The following PPIP5K1 variants were observed in gnomAD, a reference collection of about 807,000 sequenced individuals.
PPIP5K1 encodes inositol hexakisphosphate and diphosphoinositol-pentakisphosphate kinase 1.
Under a neutral mutation model 27.7 loss-of-function variants are expected in PPIP5K1, and 6 were observed. The observed-to-expected ratio is 0.22, with a 90% CI of 0.12 to 0.43. The LOEUF (loss-of-function observed/expected upper bound fraction) is 0.43, where lower values mean the gene tolerates loss of function less well. PPIP5K1 is among the 20% of genes least tolerant of loss of function. PPIP5K1 has a pLI of 1.00. For missense variants in PPIP5K1, 394 were observed against 635.4 expected (o/e 0.62, Z 4.08); for synonymous variants, 145 against 242.6 (o/e 0.60, Z 3.74).
At chr15:43,540,861 CAAAAA>C (rs34085400) in intron 30 of PPIP5K1, among the ~76,000 whole-genome samples, 2 of 73,882 alleles carry the variant, frequency 2.7e-5, no homozygotes, top group East Asian at 3.3e-4. Context: ...GACTCTGTCT[CAAAAA>C]AAAAAAAAAA....
intron 30 of PPIP5K1, among the ~76,000 whole-genome samples, chr15:43,552,597 G>A (rs927426118): frequency 1.3e-5 from 2 of 150,640 alleles, no homozygotes; most frequent in Admixed American, 6.6e-5. Context: ...GTGTGTGCCT[G>A]TAGTCCAGCT....
intron 30 of PPIP5K1, among the ~76,000 whole-genome samples, chr15:43,551,658 A>T (rs1474153726): frequency 9.0e-6 from 1 of 111,466 alleles, no homozygotes; most frequent in Admixed American, 9.7e-5. Flanking sequence ...GCTGGAGTGC[A>T]GTGGCGGGAT....
intron 30 of PPIP5K1, among the ~76,000 whole-genome samples, chr15:43,546,454 G>C (rs2140630453): frequency 6.6e-6 from 1 of 152,170 alleles, no homozygotes; most frequent in Non-Finnish European, 1.5e-5. Context: ...ACACCACCAT[G>C]ACTGGCTAAT....
At chr15:43,567,118 GTTT>G (rs148202516) in intron 26 of PPIP5K1, among the ~76,000 whole-genome samples, 3 of 96,976 alleles carry the variant, frequency 3.1e-5, no homozygotes, top group Admixed American at 9.4e-5. Context: ...GTTGTTTCGG[GTTT>G]TTTTTTTTTT....
In PPIP5K1 at chr15:43,533,708, A is replaced by T. The variant is rs2079512419; in HGVS notation, c.*966T>A. Reference sequence around the variant, plus strand: ...CAACTACAGAAATAAATATATATATATATATTTATTAAACCTTTGCTTGTA... The same window carrying T: ...CAACTACAGAAATAAATATATATATTTATATTTATTAAACCTTTGCTTGTA... On this transcript the variant is annotated 3_prime_UTR_variant, in exon 32 of 32. Coordinates refer to ENST00000420765, the MANE Select transcript of PPIP5K1 (RefSeq NM_001394395.1). The T allele has an allele frequency of 6.6e-6, 1 of 151,850 alleles. No homozygotes were observed. The highest frequency in any genetic ancestry group is 2.4e-5 in the African/African-American group (1 of 41,298). The allele number at this position is 151,850 out of a possible 1,614,324, so 9.4% of individuals were successfully genotyped here.
At chr15:43,557,408 ACTG>A (rs2083121428) in intron 30 of PPIP5K1, among the ~76,000 whole-genome samples, 1 of 152,116 alleles carries the variant, frequency 6.6e-6, no homozygotes, top group African/African-American at 2.4e-5. Flanking sequence ...AGATCCTGCC[ACTG>A]CACTCCAGCC....
intron 29 of PPIP5K1, among the ~76,000 whole-genome samples, chr15:43,559,744 C>A (rs2083538866): frequency 1.3e-5 from 2 of 151,432 alleles, no homozygotes; most frequent in African/African-American, 4.9e-5. Flanking sequence ...AAATATGTAA[C>A]CCTAATACTA....
At chr15:43,550,866 T>G (rs904429774) in intron 30 of PPIP5K1, among the ~76,000 whole-genome samples, 3 of 152,232 alleles carry the variant, frequency 2.0e-5, no homozygotes, top group Admixed American at 6.5e-5. Context: ...GATGACTGTG[T>G]TTTTTTCTCT....
At chr15:43,544,759 GGCAT>G (rs2140541894) in intron 30 of PPIP5K1, among the ~76,000 whole-genome samples, 1 of 152,170 alleles carries the variant, frequency 6.6e-6, no homozygotes, top group South Asian at 2.1e-4. Context: ...CTGTTCTCCA[GGCAT>G]GATCATACCA....
At chr15:43,548,943 G>C (rs967496412) in intron 30 of PPIP5K1, among the ~76,000 whole-genome samples, 1 of 143,384 alleles carries the variant, frequency 7.0e-6, no homozygotes, top group African/African-American at 2.6e-5. Context: ...CAGGAGAATC[G>C]CTTGAACCTG....
At position 43,534,778 on chromosome 15, in the gene PPIP5K1, T is replaced by A; in HGVS notation, c.4369A>T (p.Ile1457Phe). The change falls in exon 32 of 32, where the codon ATC becomes TTC. Residue 1457 changes from isoleucine to phenylalanine, a missense_variant. Physicochemically the swap from Ile to Phe is conservative, Grantham distance 21. Coordinates refer to ENST00000420765, the MANE Select transcript of PPIP5K1 (RefSeq NM_001394395.1). ...GGGATGCCCTGAGATAACAGATTGA[T>A]CGCAGAAGTCTCCTGGGCCAGCCTG... ...VGRLAQETSA[I>F]NLLSQGIPEI... The A allele has an allele frequency of 6.3e-7, 1 of 1,581,554 alleles. No individual in the cohort carries two copies.
chr15:43,556,561 T>C (rs2082983630), intron 30 of PPIP5K1, among the ~76,000 whole-genome samples: 1 of 149,408 alleles, frequency 6.7e-6, no homozygotes, highest in African/African-American at 2.5e-5. Context: ...AAAAAATGCA[T>C]TCTGAGGCCA....
rs181984357 is a variant in PPIP5K1 at position 43,539,000 on chromosome 15, C to T, written c.3670+470G>A. On this transcript the variant is annotated intron_variant, in intron 31 of 31. Coordinates refer to ENST00000420765, the MANE Select transcript of PPIP5K1 (RefSeq NM_001394395.1). Reference sequence around the variant, plus strand: ...CTGAGGCAGGCGGGTCACCTGAGGTCGGGAGTTTGAGACCAGCCTGACCAA... The same window carrying T: ...CTGAGGCAGGCGGGTCACCTGAGGTTGGGAGTTTGAGACCAGCCTGACCAA... Among the ~76,000 whole-genome samples the T allele has an allele frequency of 2.8e-3, 423 of 152,090 alleles. 1 individual carries two copies. The highest frequency in any genetic ancestry group is 9.8e-3 in the African/African-American group (406 of 41,494).
intron 30 of PPIP5K1, among the ~76,000 whole-genome samples, chr15:43,539,840 AAC>A (rs1191114600): frequency 2.0e-5 from 3 of 152,252 alleles, no homozygotes; most frequent in African/African-American, 4.8e-5. Context: ...TCCTAGATTT[AAC>A]ACACTGACAT....
chr15:43,535,111 A>C lies in PPIP5K1; in HGVS notation c.4036T>G (p.Cys1346Gly). 1 of 1,613,550 alleles carries C rather than the reference A, an allele frequency of 6.2e-7. No individual in the cohort carries two copies. The highest frequency in any genetic ancestry group is 8.5e-7 in the Non-Finnish European group (1 of 1,179,904). ...TTACCATTGTCATGGTTCTCCTGGC[A>C]TTGCTGGCTGATGTCAGGGACCTTC... The part of the protein sequence containing the change: ...CQKVPDISQQ[C>G]QENHDNGNHT... The change falls in exon 32 of 32, where the codon TGC becomes GGC. Residue 1346 changes from cysteine to glycine, a missense_variant. By Grantham distance (159) the Cys-to-Gly change is radical. Around this residue, in one of 4 missense-constraint regions of PPIP5K1, gnomAD observed 379 missense variants for 423.9 expected, o/e 0.89. Transcript: ENST00000420765.
At chr15:43,539,136 G>A (rs2080321840) in intron 31 of PPIP5K1, among the ~76,000 whole-genome samples, 1 of 151,940 alleles carries the variant, frequency 6.6e-6, no homozygotes, top group South Asian at 2.1e-4. Context: ...GCTTGAACCA[G>A]GGAGGCAGAC....
At chr15:43,553,423 G>T (rs1261053740) in intron 30 of PPIP5K1, among the ~76,000 whole-genome samples, 1 of 151,696 alleles carries the variant, frequency 6.6e-6, no homozygotes. Flanking sequence ...CACTACAACA[G>T]CCTTAACTTC....
At chr15:43,553,273 T>C (rs1301987594) in intron 30 of PPIP5K1, among the ~76,000 whole-genome samples, 2 of 152,214 alleles carry the variant, frequency 1.3e-5, no homozygotes, top group Non-Finnish European at 2.9e-5. Flanking sequence ...TTGGATGGAA[T>C]GGTCTACATA....
At chr15:43,558,510 G>A (rs993044306) in intron 30 of PPIP5K1, among the ~76,000 whole-genome samples, 2 of 152,024 alleles carry the variant, frequency 1.3e-5, no homozygotes, top group African/African-American at 4.8e-5. Flanking sequence ...ACAGGCATGA[G>A]CCACTGCGCC....
Sources: gnomAD v4.1 joint callset for allele counts (sites outside exome capture counted in the v4.1 genomes callset) on GRCh38, gnomAD v4.1.1 for gene constraint, gnomAD v4.1.1 regional missense constraint, MANE v1.5 for transcripts, NCBI Gene and HGNC (gene_info 2026-07-23, HGNC 2026-07-21) for gene names.